TAS2R1: variants seen among roughly 807,000 people sequenced by gnomAD.
TAS2R1 encodes taste receptor type 2 member 1.
For synonymous variants in TAS2R1, 141 were observed against 134.2 expected (o/e 1.05, Z -0.35); for missense variants, 370 against 353.4 (o/e 1.05, Z -0.38).
chr5:9,730,586 G>A, the TAS2R1 span, among the ~76,000 whole-genome samples: 1 of 152,144 alleles, frequency 6.6e-6, no homozygotes. Context: ...TAGGATGTGT[G>A]GCTTTTGAGG....
chr5:9,869,698 C>T, the TAS2R1 span, among the ~76,000 whole-genome samples: 1 of 152,226 alleles, frequency 6.6e-6, no homozygotes, highest in Non-Finnish European at 1.5e-5. Context: ...TCCTGTGTGA[C>T]TCCACTGGGA....
the TAS2R1 span, among the ~76,000 whole-genome samples, chr5:9,779,373 T>G: frequency 6.6e-6 from 1 of 152,242 alleles, no homozygotes; most frequent in African/African-American, 2.4e-5. Flanking sequence ...TATAAATTAC[T>G]CAGTGTCAGG....
At chr5:9,888,119 C>T in the TAS2R1 span, among the ~76,000 whole-genome samples, 3 of 152,188 alleles carry the variant, frequency 2.0e-5, no homozygotes, top group East Asian at 1.9e-4. Flanking sequence ...CTCTTTTACT[C>T]TGAGTGTAGG....
the TAS2R1 span, among the ~76,000 whole-genome samples, chr5:9,892,770 G>A: frequency 1.3e-5 from 2 of 152,132 alleles, no homozygotes; most frequent in Admixed American, 1.3e-4. Flanking sequence ...TGGGCTGATA[G>A]AAGAAGCAGG....
At chr5:9,888,122 A>G in the TAS2R1 span, among the ~76,000 whole-genome samples, 1 of 151,864 alleles carries the variant, frequency 6.6e-6, no homozygotes, top group Non-Finnish European at 1.5e-5. Context: ...TTTTACTCTG[A>G]GTGTAGGCCC....
the TAS2R1 span, among the ~76,000 whole-genome samples, chr5:9,786,232 C>T: frequency 6.6e-6 from 1 of 152,178 alleles, no homozygotes; most frequent in Non-Finnish European, 1.5e-5. Flanking sequence ...ACCTATTAAA[C>T]TAGACAATGG....
chr5:9,812,528 G>C, the TAS2R1 span, among the ~76,000 whole-genome samples: 1 of 151,968 alleles, frequency 6.6e-6, no homozygotes, highest in Admixed American at 6.6e-5. Context: ...TCACAGATGA[G>C]AATGAAATGG....
At chr5:9,633,285 GTGTGTATAT>G (rs201912406), upstream of TAS2R1, among the ~76,000 whole-genome samples, 21,114 of 103,220 alleles carry the variant, frequency 0.2, 2,270 homozygotes, top group East Asian at 0.27. Context: ...GTGTGTGTGT[GTGTGTATAT>G]TATATATATA....
the TAS2R1 span, among the ~76,000 whole-genome samples, chr5:9,739,451 A>G: frequency 6.6e-6 from 1 of 152,224 alleles, no homozygotes; most frequent in Non-Finnish European, 1.5e-5. Flanking sequence ...TGAAAATGGA[A>G]TTAATAAAAC....
In TAS2R1 at chr5:9,666,820, G is replaced by A. The variant is rs113020442; in HGVS notation, c.-241-7239C>T. On this transcript the variant is annotated intron_variant, in intron 1 of 2. Transcript: ENST00000506620. ...AACAAAAGATTCACAGCATCATAAAGGAAATTCTATTATATACTATCCCAA... is the reference window on the plus strand; with the variant it reads ...AACAAAAGATTCACAGCATCATAAAAGAAATTCTATTATATACTATCCCAA... Among the ~76,000 whole-genome samples, 1,367 of 152,222 alleles carry A rather than the reference G, an allele frequency of 9.0e-3. 12 individuals carry two copies. Among genetic ancestry groups the A allele is most frequent in the South Asian group, 0.019 (90 of 4,818 alleles).
At chr5:9,685,225 G>A (rs1029207596) in intron 1 of TAS2R1, among the ~76,000 whole-genome samples, 1 of 152,032 alleles carries the variant, frequency 6.6e-6, no homozygotes, top group African/African-American at 2.4e-5. Context: ...GAAAGTGCTG[G>A]ATGACAGTTT....
chr5:9,811,106 C>A, the TAS2R1 span, among the ~76,000 whole-genome samples: 2 of 152,266 alleles, frequency 1.3e-5, no homozygotes, highest in African/African-American at 4.8e-5. Flanking sequence ...ATGATTAGGT[C>A]ATGAGAGTAA....
At chr5:9,840,857 A>ATTTATTTTTTTTT in the TAS2R1 span, among the ~76,000 whole-genome samples, 6 of 132,060 alleles carry the variant, frequency 4.5e-5, no homozygotes, top group African/African-American at 1.7e-4. Context: ...TTATTTATTT[A>ATTTATTTTTTTTT]TTTTTTTTTT....
At chr5:9,699,925 CA>C (rs150207968) in intron 1 of TAS2R1, among the ~76,000 whole-genome samples, 1,533 of 152,204 alleles carry the variant, frequency 0.01, 31 homozygotes, top group African/African-American at 0.035. Flanking sequence ...GGAAGAATCA[CA>C]AGTATGCATC....
At chr5:9,727,278 A>G in the TAS2R1 span, among the ~76,000 whole-genome samples, 1 of 152,360 alleles carries the variant, frequency 6.6e-6, no homozygotes, top group South Asian at 2.1e-4. Context: ...GTACATTTCC[A>G]CCAGGAAGCA....
chr5:9,773,848 T>G, the TAS2R1 span, among the ~76,000 whole-genome samples: 1 of 152,222 alleles, frequency 6.6e-6, no homozygotes, highest in Non-Finnish European at 1.5e-5. Flanking sequence ...GATACTTTCT[T>G]TACCCTTGAC....
chr5:9,817,114 C>T, the TAS2R1 span, among the ~76,000 whole-genome samples: 10 of 152,142 alleles, frequency 6.6e-5, no homozygotes, highest in South Asian at 8.3e-4. Context: ...CAAAAGTGAG[C>T]GGAATATCAG....
the TAS2R1 span, among the ~76,000 whole-genome samples, chr5:9,809,159 G>A: frequency 4.6e-5 from 7 of 152,102 alleles, no homozygotes; most frequent in Non-Finnish European, 8.8e-5. Flanking sequence ...GTCTCATGAC[G>A]AAGCATACCT....
chr5:9,895,354 C>A, the TAS2R1 span, among the ~76,000 whole-genome samples: 1 of 152,212 alleles, frequency 6.6e-6, no homozygotes, highest in Admixed American at 6.5e-5. Flanking sequence ...GAGAAAATAA[C>A]TTCTGTTTCA....
Sources: gnomAD v4.1 joint callset for allele counts (sites outside exome capture counted in the v4.1 genomes callset) on GRCh38, gnomAD v4.1.1 for gene constraint, MANE v1.5 for transcripts, NCBI Gene and HGNC (gene_info 2026-07-23, HGNC 2026-07-21) for gene names.